Variants in MYH9 observed in about 807,000 individuals in gnomAD.
MYH9 encodes myosin-9.
Under a neutral mutation model 241.9 loss-of-function variants are expected in MYH9, and 29 were observed. That is an observed-to-expected ratio of 0.12 (90% CI 0.09 to 0.16). MYH9 has a LOEUF of 0.16. MYH9 is among the 10% of genes least tolerant of loss of function. The probability of loss-of-function intolerance (pLI) is 1.00; values close to 1 mark genes in which losing one functional copy is unlikely to be tolerated. For missense variants in MYH9, 1,803 were observed against 2,595.5 expected, an observed-to-expected ratio of 0.69 and a Z score of 6.63; for synonymous variants, 1,047 against 1,062.6, an observed-to-expected ratio of 0.99 and a Z score of 0.29.
chr22:36,325,821 AGTGCACAGGAGGTCACT>A (rs1370066028), intron 5 of MYH9, among the ~76,000 whole-genome samples: 1 of 152,190 alleles, frequency 6.6e-6, no homozygotes, highest in African/African-American at 2.4e-5. Context: ...GTCATTTCAG[AGTGCACAGGAGGTCACT>A]GTGTGCCACA....
chr22:36,326,742 T>G, intron 4 of MYH9, 81 bp from the exon 5 acceptor site: 1 of 1,197,990 alleles, frequency 8.3e-7, no homozygotes, highest in South Asian at 1.2e-5. Flanking sequence ...CACGCTCCAC[T>G]GCCTCGCATT....
chr22:36,288,496 C>A lies in MYH9; in HGVS notation c.4771-83G>T. 1.3e-6 allele frequency: 2 copies of A among 1,562,026 alleles called. No homozygotes were observed. Among genetic ancestry groups the A allele is most frequent in the Non-Finnish European group, 1.7e-6 (2 of 1,146,430 alleles). ...AGCTCTGAACTCAGGAGCCTCAGGC[C>A]AGTTCTGCAGGATCCATGGGGCCTC... On this transcript the variant is annotated intron_variant, in intron 33 of 40. Transcript: ENST00000216181. This position sits in a 1 kb window ranked among gnomAD's most constrained non-coding sequence, Gnocchi z 4.8.
In MYH9 at chr22:36,288,516, G is replaced by A; in HGVS notation, c.4771-103C>T. The A allele has an allele frequency of 6.7e-7, 1 of 1,501,872 alleles. No individual in the cohort carries two copies. The highest frequency in any genetic ancestry group is 9.1e-7 in the Non-Finnish European group (1 of 1,093,846). The allele number at this position is 1,501,872 out of a possible 1,614,324, so 93.0% of individuals were successfully genotyped here. A position where few individuals can be genotyped will look rare whatever the true frequency, so the allele number is the denominator to read the frequency against. The stretch of plus-strand genomic sequence containing the variant: ...CAGGCCAGTTCTGCAGGATCCATGG[G>A]GCCTCGGGAAACCAGTGGGGATTAC... On this transcript the variant is annotated intron_variant, in intron 33 of 40. Coordinates refer to ENST00000216181, the MANE Select transcript of MYH9 (RefSeq NM_002473.6). This position sits in a 1 kb window ranked among gnomAD's most constrained non-coding sequence, Gnocchi z 4.8.
intron 2 of MYH9, among the ~76,000 whole-genome samples, chr22:36,343,701 G>A (rs1353005607): frequency 6.6e-6 from 1 of 152,160 alleles, no homozygotes; most frequent in Admixed American, 6.5e-5. Flanking sequence ...CAAGAGACCA[G>A]GAAAGCTCTG....
rs552992958 is a variant in MYH9, at chr22:36,297,807, C to T, written c.3101-793G>A. On this transcript the variant is annotated intron_variant, in intron 24 of 40. Coordinates refer to ENST00000216181, the MANE Select transcript of MYH9 (RefSeq NM_002473.6). ...ACTCTCAGTGCACACGGCTGAGTGACGGATGGAACGGCCAGGTCACCGGCA... is the reference window on the plus strand; with the variant it reads ...ACTCTCAGTGCACACGGCTGAGTGATGGATGGAACGGCCAGGTCACCGGCA... 2.9e-3 allele frequency among the ~76,000 whole-genome samples: 449 copies of T among 152,318 alleles called. 1 individual carries two copies. The highest frequency in any genetic ancestry group is 5.3e-3 in the Non-Finnish European group (362 of 68,026).
chr22:36,285,281 T>G lies in MYH9; in HGVS notation c.5323A>C (p.Lys1775Gln). The part of the protein sequence containing the change: ...DLNLERSHAQ[K>Q]NENARQQLER... ...AGCTGCTGCCGAGCATTCTCGTTCT[T>G]CTGGGCGTGGCTGCGCTCCAGGTTC... The change falls in exon 38 of 41, where the codon AAG becomes CAG. Residue 1775 changes from lysine to glutamine, a missense_variant. By Grantham distance (53) the Lys-to-Gln change is moderately conservative. Transcript: ENST00000216181. This position sits in a 1 kb window ranked among gnomAD's most constrained non-coding sequence, Gnocchi z 7.0. The G allele has an allele frequency of 6.2e-7, 1 of 1,613,778 alleles. No individual in the cohort carries two copies. The highest frequency in any genetic ancestry group is 8.5e-7 in the Non-Finnish European group (1 of 1,180,032).
At chr22:36,379,857 C>A (rs1332524732) in intron 1 of MYH9, among the ~76,000 whole-genome samples, 1 of 152,204 alleles carries the variant, frequency 6.6e-6, no homozygotes, top group Non-Finnish European at 1.5e-5. Flanking sequence ...TCTGGGGACA[C>A]CTGCCCGGGT....
chr22:36,300,772 T>C lies in MYH9; in HGVS notation c.2838+79A>G, dbSNP rs2016863941. ...CTCCTTGGACCCTAATTCCATGTTC[T>C]CCCAGCTCCTGGTTCCTGCTCCTCC... On this transcript the variant is annotated intron_variant, in intron 22 of 40. Coordinates refer to ENST00000216181, the MANE Select transcript of MYH9 (RefSeq NM_002473.6). This position sits in a 1 kb window ranked among gnomAD's most constrained non-coding sequence, Gnocchi z 5.0. 1 of 1,524,420 alleles carries C rather than the reference T, an allele frequency of 6.6e-7. No individual in the cohort carries two copies. The highest frequency in any genetic ancestry group is 1.7e-5 in the Admixed American group (1 of 59,370). 94.4% of individuals were successfully genotyped at this position (1,524,420 alleles called of 1,614,324 possible).
chr22:36,296,370 G>C (rs1312959079), intron 25 of MYH9, among the ~76,000 whole-genome samples: 1 of 152,114 alleles, frequency 6.6e-6, no homozygotes, highest in Non-Finnish European at 1.5e-5. Flanking sequence ...GAGTAGGTGA[G>C]ATTACAGTCG....
chr22:36,283,994 T>TG, intron 40 of MYH9, 99 bp downstream of exon 40: 1 of 1,435,826 alleles, frequency 7.0e-7, no homozygotes, highest in East Asian at 2.3e-5. Flanking sequence ...AGTCCTTTCT[T>TG]GGTGACATTC....
At chr22:36,338,784 C>T (rs1361285487) in intron 3 of MYH9, among the ~76,000 whole-genome samples, 1 of 149,822 alleles carries the variant, frequency 6.7e-6, no homozygotes, top group African/African-American at 2.5e-5. Context: ...CGTGCCACTG[C>T]ACTCCAGCCT....
chr22:36,359,237 A>C (rs1341829898), intron 1 of MYH9, among the ~76,000 whole-genome samples: 1 of 152,236 alleles, frequency 6.6e-6, no homozygotes, highest in Non-Finnish European at 1.5e-5. Flanking sequence ...TCATTCATCA[A>C]TTCCAAATGT....
intron 19 of MYH9, among the ~76,000 whole-genome samples, chr22:36,303,598 C>A (rs916398851): frequency 1.3e-5 from 2 of 151,710 alleles, no homozygotes; most frequent in Admixed American, 1.3e-4. Flanking sequence ...GCCTGGGCAA[C>A]AATGACGAAA....
chr22:36,348,814 A>G, intron 2 of MYH9, 90 bp downstream of exon 2: 1 of 1,276,612 alleles, frequency 7.8e-7, no homozygotes, highest in East Asian at 2.7e-5. Context: ...GCCAGGGCCC[A>G]GGCACGTGAG....
At position 36,285,859 on chromosome 22, in the gene MYH9, G is replaced by A; in HGVS notation, c.5150+6C>T. 1.9e-6 allele frequency: 3 copies of A among 1,613,598 alleles called. No individual in the cohort carries two copies. The highest frequency in any genetic ancestry group is 1.1e-5 in the South Asian group (1 of 91,056). On this transcript the variant is annotated splice_donor_region_variant and intron_variant, in intron 36 of 40. Coordinates refer to ENST00000216181, the MANE Select transcript of MYH9 (RefSeq NM_002473.6). This position sits in a 1 kb window ranked among gnomAD's most constrained non-coding sequence, Gnocchi z 7.0. The stretch of plus-strand genomic sequence containing the variant: ...CCCCCCAACTCTGCCCCCTCACTCA[G>A]CTCACCCTTTGCCGCTGCTGTTGGC...
intron 11 of MYH9, 58 bp downstream of exon 11, chr22:36,318,149 C>T (rs1318699084): frequency 6.2e-6 from 9 of 1,459,640 alleles, no homozygotes; most frequent in Non-Finnish European, 7.7e-6. Flanking sequence ...CTCAACTGTG[C>T]TGCTGCAGGG....
In MYH9 at chr22:36,302,364, AGGGCC is replaced by A. The variant is rs1333667011; in HGVS notation, c.2499+199_2499+203del. On this transcript the variant is annotated intron_variant, in intron 20 of 40. Transcript: ENST00000216181. ...ACCTTGTCTCTACTAAAAATCAAAA[AGGGCC>A]GGGCACAGTGGCTCATGCCTGTAAT... 8 of 511,804 alleles carry A rather than the reference AGGGCC, an allele frequency of 1.6e-5. No individual in the cohort carries two copies. The East Asian group carries it at 2.8e-4, about 18-fold the overall frequency. The allele number at this position is 511,804 out of a possible 1,614,324, so 31.7% of individuals were successfully genotyped here.
At position 36,296,990 on chromosome 22, in the gene MYH9, T is replaced by C; in HGVS notation, c.3125A>G (p.Gln1042Arg). Residue 1042 changes from glutamine to arginine, a missense_variant, in exon 25 of 41, where the codon CAG becomes CGG. By Grantham distance (43) the Gln-to-Arg change is conservative. Coordinates refer to ENST00000216181, the MANE Select transcript of MYH9 (RefSeq NM_002473.6). Reference sequence around the variant, plus strand: ...GCGGGTCTTCTCCAGCTCCTGTCGCTGCTTCTCCTCCCTGCGGAGGCGCTC... The same window carrying C: ...GCGGGTCTTCTCCAGCTCCTGTCGCCGCTTCTCCTCCCTGCGGAGGCGCTC... ...LEERLRREEK[Q>R]RQELEKTRRK... 6.2e-7 allele frequency: 1 copy of C among 1,614,128 alleles called. No homozygotes were observed. Among genetic ancestry groups the C allele is most frequent in the South Asian group, 1.1e-5 (1 of 91,088 alleles).
In MYH9 at chr22:36,315,864, C is replaced by T. The variant is rs544145072; in HGVS notation, c.1380+653G>A. 2.8e-5 allele frequency among the ~76,000 whole-genome samples: 4 copies of T among 144,354 alleles called. No homozygotes were observed. In the South Asian group the frequency reaches 9.1e-4, roughly 33 times the overall value. The allele number at this position is 144,354 out of a possible 152,430, so 94.7% of individuals were successfully genotyped here. A position where few individuals can be genotyped will look rare whatever the true frequency, so the allele number is the denominator to read the frequency against. ...ACTGAGCCTGGGCCACACCTGAGGC[C>T]CCATCTCTACAAAAAATTTAAAAAT... is the stretch of plus-strand genomic sequence containing the variant. On this transcript the variant is annotated intron_variant, in intron 12 of 40. Coordinates refer to ENST00000216181, the MANE Select transcript of MYH9 (RefSeq NM_002473.6).
Sources: gnomAD v4.1 joint callset for allele counts (sites outside exome capture counted in the v4.1 genomes callset) on GRCh38, gnomAD v4.1.1 for gene constraint, Gnocchi (gnomAD v3.1) non-coding constraint, MANE v1.5 for transcripts, NCBI Gene and HGNC (gene_info 2026-07-23, HGNC 2026-07-21) for gene names.